The following THEMIS variants were observed in gnomAD, a reference collection of about 807,000 sequenced individuals.
THEMIS encodes the protein thymocyte selection associated, also known as protein THEMIS.
Under a neutral mutation model 52.6 loss-of-function variants are expected in THEMIS, and 37 were observed. The ratio of observed to expected loss-of-function variants is 0.70; its 90% CI spans 0.54 to 0.93. The LOEUF (loss-of-function observed/expected upper bound fraction) is 0.93. THEMIS is among the 40% of genes least tolerant of loss of function. The probability of loss-of-function intolerance (pLI) is 0.00; values close to 1 mark genes in which losing one functional copy is unlikely to be tolerated. For synonymous variants in THEMIS, 292 were observed against 272.7 expected (o/e 1.07, Z -0.70); for missense variants, 808 against 763.1 (o/e 1.06, Z -0.69).
intron 1 of THEMIS, among the ~76,000 whole-genome samples, chr6:127,910,775 T>C (rs1478105808): frequency 1.3e-5 from 2 of 152,180 alleles, no homozygotes; most frequent in Admixed American, 1.3e-4. Context: ...TAGAAGCCAA[T>C]ATTGAGATAT....
downstream of THEMIS, among the ~76,000 whole-genome samples, chr6:127,703,197 G>A (rs943333119): frequency 3.3e-5 from 5 of 151,082 alleles, no homozygotes; most frequent in South Asian, 6.3e-4. Flanking sequence ...ACAGGCGCCC[G>A]CCACTACGCC....
intron 1 of THEMIS, among the ~76,000 whole-genome samples, chr6:127,912,076 A>G (rs980629209): frequency 2.6e-5 from 4 of 152,196 alleles, no homozygotes; most frequent in African/African-American, 9.7e-5. Flanking sequence ...CATGGGGCAG[A>G]ACTACCCAAG....
At chr6:127,914,011 A>G (rs1781467041) in intron 1 of THEMIS, among the ~76,000 whole-genome samples, 1 of 152,222 alleles carries the variant, frequency 6.6e-6, no homozygotes, top group Admixed American at 6.5e-5. Context: ...GAATATTTCC[A>G]TATACATAAT....
In THEMIS at chr6:127,844,521, T is replaced by C. The variant is rs143171778; in HGVS notation, c.250+10509A>G. 1.3e-4 allele frequency among the ~76,000 whole-genome samples: 20 copies of C among 152,014 alleles called. 1 individual carries two copies. The East Asian group carries it at 3.3e-3, about 25-fold the overall frequency. On this transcript the variant is annotated intron_variant, in intron 2 of 5. Coordinates refer to ENST00000368248, the MANE Select transcript of THEMIS (RefSeq NM_001010923.3). ...CTGGCCTTATAATTTTAAGGGTGGT[T>C]TTATAGATGCAACTACAGTCTTCCT...
intron 1 of THEMIS, among the ~76,000 whole-genome samples, chr6:127,884,448 C>T (rs1283366488): frequency 6.6e-6 from 1 of 151,884 alleles, no homozygotes; most frequent in Non-Finnish European, 1.5e-5. Flanking sequence ...AATTAGGCAC[C>T]CCCTCTTTTA....
At chr6:127,901,109 G>C, upstream of THEMIS, 1 of 591,988 alleles carries the variant, frequency 1.7e-6, no homozygotes, top group Admixed American at 3.0e-5. Context: ...TGAAGAGGGA[G>C]GGGGGAAGCA....
chr6:127,729,086 G>C (rs985394905), intron 4 of THEMIS, among the ~76,000 whole-genome samples: 2 of 147,490 alleles, frequency 1.4e-5, no homozygotes, highest in African/African-American at 5.0e-5. Context: ...CTTTCTCACT[G>C]TGGCTATCAG....
Position 127,855,114 on chromosome 6 carries a change from C to T in THEMIS, c.166G>A (p.Val56Ile), listed in dbSNP as rs572172163. The change falls in exon 2 of 6, where the codon GTT becomes ATT. Residue 56 changes from valine (V) to isoleucine (I), a missense_variant. Physicochemically the swap from Val to Ile is conservative, Grantham distance 29. Transcript: ENST00000368248. Reference sequence around the variant, plus strand: ...CAAATTTCAGCTATGATCTTCTTAACTTTGAGACCAGTAATTTTAATCACT... The same window carrying T: ...CAAATTTCAGCTATGATCTTCTTAATTTTGAGACCAGTAATTTTAATCACT... Reference protein sequence around the residue: ...GEVIKITGLKVKKIIAEICEQ... With the variant: ...GEVIKITGLKIKKIIAEICEQ... The T allele has an allele frequency of 2.5e-6, 4 of 1,611,140 alleles. No homozygotes were observed. In the Admixed American group the frequency reaches 6.7e-5, roughly 27 times the overall value.
At chr6:127,863,294 T>C (rs1779867874) in intron 1 of THEMIS, among the ~76,000 whole-genome samples, 1 of 152,184 alleles carries the variant, frequency 6.6e-6, no homozygotes, top group African/African-American at 2.4e-5. Flanking sequence ...TAATGTATTA[T>C]GATAACTGAG....
rs1359872802 is a variant in THEMIS, at chr6:127,850,069, T to C, written c.250+4961A>G. ...GAAAACTAATAATCCCACCAACAAG[T>C]GGGCAAATGACATGAACAGCTATTT... On this transcript the variant is annotated intron_variant, in intron 2 of 5. Transcript: ENST00000368248. 2.0e-5 allele frequency among the ~76,000 whole-genome samples: 3 copies of C among 151,906 alleles called. No individual in the cohort carries two copies. In the South Asian group the frequency reaches 6.2e-4, roughly 31 times the overall value.
intron 2 of THEMIS, among the ~76,000 whole-genome samples, chr6:127,842,470 T>C (rs1181843357): frequency 2.0e-5 from 3 of 152,058 alleles, no homozygotes; most frequent in Non-Finnish European, 2.9e-5. Context: ...ATTCAATTTC[T>C]GTCATCAGTT....
At chr6:127,850,518 AATGTAGT>A (rs1779384666) in intron 2 of THEMIS, among the ~76,000 whole-genome samples, 1 of 151,960 alleles carries the variant, frequency 6.6e-6, no homozygotes, top group Non-Finnish European at 1.5e-5. Context: ...TGGATTAAAA[AATGTAGT>A]ATATATACAC....
the THEMIS span, among the ~76,000 whole-genome samples, chr6:127,698,494 G>T: frequency 2.0e-5 from 3 of 152,020 alleles, no homozygotes; most frequent in African/African-American, 7.2e-5. Flanking sequence ...TATTAAAATT[G>T]TAGTATATTA....
At chr6:127,807,740 A>G (rs549675608) in intron 4 of THEMIS, among the ~76,000 whole-genome samples, 2 of 152,340 alleles carry the variant, frequency 1.3e-5, no homozygotes, top group African/African-American at 4.8e-5. Context: ...AACAAAAACA[A>G]AAACAAGTCA....
chr6:127,791,831 G>A (rs1449534184), intron 4 of THEMIS, among the ~76,000 whole-genome samples: 1 of 152,298 alleles, frequency 6.6e-6, no homozygotes, highest in East Asian at 1.9e-4. Flanking sequence ...CCCCAAGCGT[G>A]CACACACCCA....
At chr6:127,897,651 A>T (rs1781009852) in intron 1 of THEMIS, among the ~76,000 whole-genome samples, 1 of 151,598 alleles carries the variant, frequency 6.6e-6, no homozygotes, top group Non-Finnish European at 1.5e-5. Flanking sequence ...TCGTGTTACT[A>T]AGCATATGAG....
upstream of THEMIS, among the ~76,000 whole-genome samples, chr6:127,901,738 G>A (rs962720762): frequency 2.6e-5 from 4 of 152,028 alleles, no homozygotes; most frequent in African/African-American, 4.8e-5. Context: ...ACAGGCTAAC[G>A]TCAGCCTTGT....
chr6:127,716,482 G>C (rs1230642037), intron 5 of THEMIS, among the ~76,000 whole-genome samples: 1 of 151,882 alleles, frequency 6.6e-6, no homozygotes, highest in Admixed American at 6.6e-5. Flanking sequence ...GATGCAGGGG[G>C]TATAAAGGTC....
At chr6:127,886,543 T>G (rs903224602) in intron 1 of THEMIS, among the ~76,000 whole-genome samples, 4 of 152,146 alleles carry the variant, frequency 2.6e-5, no homozygotes, top group African/African-American at 9.7e-5. Flanking sequence ...TTTTGTTCAC[T>G]TGGGGTCCTG....
Sources: allele counts gnomAD v4.1 joint callset (sites outside exome capture counted in the v4.1 genomes callset), GRCh38; gene constraint gnomAD v4.1.1; transcripts MANE v1.5; gene names NCBI Gene and HGNC (gene_info 2026-07-23, HGNC 2026-07-21).